The following STXBP4 variants were observed in gnomAD, a reference collection of about 807,000 sequenced individuals.
STXBP4 encodes the protein syntaxin-binding protein 4.
Under a neutral mutation model 76.1 loss-of-function variants are expected in STXBP4, and 55 were observed. That is an observed-to-expected ratio of 0.72 (90% CI 0.58 to 0.91). The LOEUF is 0.91. STXBP4 is among the 40% of genes least tolerant of loss of function. STXBP4 has a pLI of 0.00. For synonymous variants in STXBP4, 201 were observed against 220.2 expected, an observed-to-expected ratio of 0.91 and a Z score of 0.77; for missense variants, 618 against 636.9, an observed-to-expected ratio of 0.97 and a Z score of 0.32.
At chr17:55,110,461 G>C (rs2079698557) in intron 16 of STXBP4, among the ~76,000 whole-genome samples, 1 of 152,192 alleles carries the variant, frequency 6.6e-6, no homozygotes, top group African/African-American at 2.4e-5. Context: ...TGTGCTTGTG[G>C]AAGTGGGAGG....
chr17:54,981,435 T>G (rs972046783), intron 1 of STXBP4, among the ~76,000 whole-genome samples: 2 of 151,874 alleles, frequency 1.3e-5, no homozygotes, highest in African/African-American at 4.8e-5. Flanking sequence ...CCCAAACACT[T>G]AAGAGATTTT....
the STXBP4 span, among the ~76,000 whole-genome samples, chr17:55,204,941 G>A: frequency 6.6e-6 from 1 of 151,786 alleles, no homozygotes; most frequent in African/African-American, 2.4e-5. Flanking sequence ...ATACCTTCAA[G>A]AACTATTGAA....
In STXBP4 at chr17:55,007,605, C is replaced by A; in HGVS notation, c.666+8C>A. ...GCAGAGAAACTGGAAATGGTAAAACCTTTAAATTTTCATTTTTCTTCCATA... is the reference window on the plus strand; with the variant it reads ...GCAGAGAAACTGGAAATGGTAAAACATTTAAATTTTCATTTTTCTTCCATA... On this transcript the variant is annotated splice_region_variant and intron_variant, in intron 8 of 17. Coordinates refer to ENST00000376352, the MANE Select transcript of STXBP4 (RefSeq NM_178509.6). The A allele has an allele frequency of 1.3e-6, 2 of 1,591,024 alleles. No individual in the cohort carries two copies. Among genetic ancestry groups the A allele is most frequent in the Non-Finnish European group, 1.7e-6 (2 of 1,169,708 alleles).
chr17:55,091,801 G>C (rs988205124), intron 16 of STXBP4, among the ~76,000 whole-genome samples: 1 of 152,116 alleles, frequency 6.6e-6, no homozygotes. Context: ...TTTACTTTCT[G>C]ATGGTTCAAT....
intron 16 of STXBP4, among the ~76,000 whole-genome samples, chr17:55,132,490 A>G (rs1255865096): frequency 6.6e-6 from 1 of 152,066 alleles, no homozygotes. Context: ...TGCCCGGCCC[A>G]ATTATCTTAT....
chr17:55,022,834 C>T (rs925959579), intron 8 of STXBP4, among the ~76,000 whole-genome samples: 2 of 152,100 alleles, frequency 1.3e-5, no homozygotes, highest in African/African-American at 2.4e-5. Context: ...GTGGTACTAA[C>T]GACGTAAGTC....
intron 12 of STXBP4, among the ~76,000 whole-genome samples, chr17:55,066,339 T>C (rs1054412976): frequency 6.6e-6 from 1 of 152,096 alleles, no homozygotes; most frequent in African/African-American, 2.4e-5. Context: ...TTCTTCTGCC[T>C]CAGCCTCCCA....
chr17:55,043,144 G>A lies in STXBP4; in HGVS notation c.856-92G>A, dbSNP rs74957525. On this transcript the variant is annotated intron_variant, in intron 10 of 17. Coordinates refer to ENST00000376352, the MANE Select transcript of STXBP4 (RefSeq NM_178509.6). ...AACTGAATTTTGTTATTAGAATACAGAAGCCTAAGATTAGTCAAAAATGAT... is the reference window on the plus strand; with the variant it reads ...AACTGAATTTTGTTATTAGAATACAAAAGCCTAAGATTAGTCAAAAATGAT... The A allele has an allele frequency of 1.5e-4, 80 of 527,522 alleles. 1 individual carries two copies. In the Middle Eastern group the frequency reaches 3.1e-3, roughly 20 times the overall value. The allele number at this position is 527,522 out of a possible 1,614,324, so 32.7% of individuals were successfully genotyped here.
In STXBP4 at chr17:54,981,225, A is replaced by C. The variant is rs868635162; in HGVS notation, c.-156-4389A>C. Among the ~76,000 whole-genome samples, 10 of 152,226 alleles carry C rather than the reference A, an allele frequency of 6.6e-5. No individual in the cohort carries two copies. In the Middle Eastern group the frequency reaches 0.017, roughly 259 times the overall value. ...ACAAATAGCATTGTTTTGTTTTTTAAACAAGATAAGAATACTTTGAATTTA... is the reference window on the plus strand; with the variant it reads ...ACAAATAGCATTGTTTTGTTTTTTACACAAGATAAGAATACTTTGAATTTA... On this transcript the variant is annotated intron_variant, in intron 1 of 17. Coordinates refer to ENST00000376352, the MANE Select transcript of STXBP4 (RefSeq NM_178509.6).
chr17:55,131,675 A>G (rs75018628), intron 16 of STXBP4, among the ~76,000 whole-genome samples: 3,398 of 152,212 alleles, frequency 0.022, 100 homozygotes, highest in Non-Finnish European at 0.022. Flanking sequence ...GAGAAGGTGC[A>G]TTTTTTTCCC....
At chr17:55,197,034 G>C in the STXBP4 span, among the ~76,000 whole-genome samples, 1 of 152,212 alleles carries the variant, frequency 6.6e-6, no homozygotes, top group Non-Finnish European at 1.5e-5. Flanking sequence ...AAGGCAATCT[G>C]GGATGCTGCC....
In STXBP4 at chr17:55,073,859, C is replaced by T. The variant is rs145861088; in HGVS notation, c.1188+783C>T. On this transcript the variant is annotated intron_variant, in intron 13 of 17. Transcript: ENST00000376352. ...GGCCAGGCTGGTCTTGACCTCCTGA[C>T]CTCAGGTGATCCACCAGTCTCGGCC... is the stretch of plus-strand genomic sequence containing the variant. 1.9e-3 allele frequency among the ~76,000 whole-genome samples: 295 copies of T among 152,262 alleles called. 1 individual carries two copies. Among genetic ancestry groups the T allele is most frequent in the African/African-American group, 5.8e-3 (241 of 41,562 alleles).
At chr17:55,018,909 G>C (rs75566487) in intron 8 of STXBP4, among the ~76,000 whole-genome samples, 2 of 152,158 alleles carry the variant, frequency 1.3e-5, no homozygotes, top group South Asian at 2.1e-4. Flanking sequence ...GGATGTATAC[G>C]TGCAGGTCAC....
At chr17:55,083,733 G>A (rs2144926310) in intron 16 of STXBP4, among the ~76,000 whole-genome samples, 1 of 152,256 alleles carries the variant, frequency 6.6e-6, no homozygotes, top group Admixed American at 6.5e-5. Context: ...TCCCTAGCAT[G>A]GTGACCTCAA....
the STXBP4 span, among the ~76,000 whole-genome samples, chr17:55,201,580 C>T: frequency 6.6e-6 from 1 of 152,114 alleles, no homozygotes; most frequent in Non-Finnish European, 1.5e-5. Context: ...ATTTCTCATT[C>T]CCATCAGCTT....
chr17:54,999,378 T>A lies in STXBP4; in HGVS notation c.214T>A (p.Ser72Thr), dbSNP rs1426466972. 3 of 1,612,688 alleles carry A rather than the reference T, an allele frequency of 1.9e-6. No homozygotes were observed. Residue 72 changes from serine (S) to threonine (T), a missense_variant, in exon 5 of 18, where the codon TCA becomes ACA. Ser to Thr is a moderately conservative substitution (Grantham distance 58). Coordinates refer to ENST00000376352, the MANE Select transcript of STXBP4 (RefSeq NM_178509.6). Reference protein sequence around the residue: ...GRLKPGDQLVSVNKESMIGVS... With the variant: ...GRLKPGDQLVTVNKESMIGVS... ...TTTGAAGCCAGGAGATCAACTTGTC[T>A]CAGTCAACAAGGAATCTATGATTGG... is the stretch of plus-strand genomic sequence containing the variant.
intron 16 of STXBP4, among the ~76,000 whole-genome samples, chr17:55,113,262 CG>C (rs2079743594): frequency 6.9e-6 from 1 of 145,690 alleles, no homozygotes. Flanking sequence ...CACACACACA[CG>C]AGGTAGCTAT....
At chr17:55,119,009 G>A (rs1223787313) in intron 16 of STXBP4, among the ~76,000 whole-genome samples, 2 of 150,576 alleles carry the variant, frequency 1.3e-5, no homozygotes, top group Non-Finnish European at 3.0e-5. Flanking sequence ...ACAATGTATA[G>A]GTTTGTTACA....
chr17:55,040,877 A>G (rs1263268089), intron 10 of STXBP4, among the ~76,000 whole-genome samples: 2 of 152,166 alleles, frequency 1.3e-5, no homozygotes, highest in African/African-American at 2.4e-5. Context: ...CTGTTAAATA[A>G]CAACAATTCA....
Sources: allele counts gnomAD v4.1 joint callset (sites outside exome capture counted in the v4.1 genomes callset), GRCh38; gene constraint gnomAD v4.1.1; transcripts MANE v1.5; gene names NCBI Gene and HGNC (gene_info 2026-07-23, HGNC 2026-07-21).